Variants in PRKCQ observed in about 807,000 individuals in gnomAD.
The protein encoded by PRKCQ is protein kinase C theta type.
In PRKCQ, 41 loss-of-function variants were observed where a neutral mutation model predicts 91.2. The ratio of observed to expected loss-of-function variants is 0.45; its 90% CI spans 0.35 to 0.58. The LOEUF is 0.58. PRKCQ is among the 20% of genes least tolerant of loss of function. The probability of loss-of-function intolerance (pLI) is 0.00; values close to 1 mark genes in which losing one functional copy is unlikely to be tolerated. For synonymous variants in PRKCQ, 307 were observed against 316.9 expected, an observed-to-expected ratio of 0.97 and a Z score of 0.33; for missense variants, 673 against 896.5, an observed-to-expected ratio of 0.75 and a Z score of 3.18.
At chr10:6,431,485 C>T (rs1057397684) in intron 16 of PRKCQ, among the ~76,000 whole-genome samples, 2 of 152,170 alleles carry the variant, frequency 1.3e-5, no homozygotes, top group African/African-American at 4.8e-5. Context: ...CCTGCACACC[C>T]ACTAAAACAC....
chr10:6,424,674 T>A (rs1196675784), downstream of PRKCQ, among the ~76,000 whole-genome samples: 1 of 152,172 alleles, frequency 6.6e-6, no homozygotes. Context: ...AGTTTTATGA[T>A]GTAACAAAGG....
chr10:6,579,064 A>T (rs955570200), intron 1 of PRKCQ, among the ~76,000 whole-genome samples: 1 of 152,226 alleles, frequency 6.6e-6, no homozygotes, highest in Non-Finnish European at 1.5e-5. Context: ...AGCCTCACGA[A>T]TCCCAGTGGT....
At chr10:6,485,063 A>G (rs1836825641) in intron 10 of PRKCQ, 89 bp downstream of exon 10, 2 of 1,139,360 alleles carry the variant, frequency 1.8e-6, no homozygotes, top group Non-Finnish European at 2.6e-6. Flanking sequence ...CAGACCAGGT[A>G]AGCTGATAAC....
chr10:6,549,674 A>G, intron 1 of PRKCQ, among the ~76,000 whole-genome samples: 1 of 134,774 alleles, frequency 7.4e-6, no homozygotes, highest in Non-Finnish European at 1.5e-5. Context: ...CTGCCAGGCT[A>G]GGCTGGAGTG....
intron 1 of PRKCQ, among the ~76,000 whole-genome samples, chr10:6,527,380 G>A (rs1367249935): frequency 1.3e-5 from 2 of 152,082 alleles, no homozygotes; most frequent in African/African-American, 2.4e-5. Context: ...TGATGATGTT[G>A]GTTATGAGGA....
At chr10:6,490,457 G>C (rs1397668784) in intron 8 of PRKCQ, among the ~76,000 whole-genome samples, 2 of 151,348 alleles carry the variant, frequency 1.3e-5, no homozygotes, top group Non-Finnish European at 2.9e-5. Flanking sequence ...CAGGCATGGT[G>C]ACTCACTCCT....
chr10:6,567,094 C>G (rs1204134601), intron 1 of PRKCQ, among the ~76,000 whole-genome samples: 1 of 152,160 alleles, frequency 6.6e-6, no homozygotes, highest in African/African-American at 2.4e-5. Context: ...CTCAGGCTTA[C>G]TCAAGAGACA....
chr10:6,538,970 C>A (rs1839681856), intron 1 of PRKCQ, among the ~76,000 whole-genome samples: 1 of 152,044 alleles, frequency 6.6e-6, no homozygotes, highest in Non-Finnish European at 1.5e-5. Flanking sequence ...TACCATGTTG[C>A]CCAGGCTGGT....
the PRKCQ span, among the ~76,000 whole-genome samples, chr10:6,394,544 ACCTTCAGCGG>A: frequency 6.6e-6 from 1 of 152,214 alleles, no homozygotes; most frequent in Non-Finnish European, 1.5e-5. Context: ...CCTTTTTCTG[ACCTTCAGCGG>A]CATTTCGGAA....
chr10:6,471,057 A>C (rs1389247022), intron 12 of PRKCQ, among the ~76,000 whole-genome samples: 4 of 152,152 alleles, frequency 2.6e-5, no homozygotes, highest in African/African-American at 7.2e-5. Context: ...TGTCAAAGAT[A>C]GACTTCTCCT....
rs1833172167 is a variant in PRKCQ, at chr10:6,427,497, T to C, written c.*710A>G. 6.6e-6 allele frequency: 1 copy of C among 152,306 alleles called. No individual in the cohort carries two copies. Among genetic ancestry groups the C allele is most frequent in the South Asian group, 2.1e-4 (1 of 4,834 alleles). 9.4% of individuals were successfully genotyped at this position (152,306 alleles called of 1,614,324 possible). On this transcript the variant is annotated 3_prime_UTR_variant, in exon 18 of 18. Coordinates refer to ENST00000263125, the MANE Select transcript of PRKCQ (RefSeq NM_006257.5). ...AATGGGTGGATGGAAAGGTTTTTAC[T>C]GGCAAGGGTGAAATGATACTATCTT...
At chr10:6,395,126 T>TAA in the PRKCQ span, among the ~76,000 whole-genome samples, 5 of 145,370 alleles carry the variant, frequency 3.4e-5, no homozygotes, top group Non-Finnish European at 7.5e-5. Context: ...GCAGTGGCTG[T>TAA]GATCTCGGCT....
chr10:6,401,070 G>C, the PRKCQ span, among the ~76,000 whole-genome samples: 1 of 152,192 alleles, frequency 6.6e-6, no homozygotes, highest in African/African-American at 2.4e-5. Context: ...TCCCGTAAAC[G>C]ATTAGGAATG....
intron 7 of PRKCQ, among the ~76,000 whole-genome samples, chr10:6,496,108 C>T (rs1837569603): frequency 6.6e-6 from 1 of 150,544 alleles, no homozygotes; most frequent in Admixed American, 6.6e-5. Context: ...CCCAGCTACT[C>T]AGGAGGCTGA....
At chr10:6,407,623 C>T in the PRKCQ span, among the ~76,000 whole-genome samples, 1 of 149,274 alleles carries the variant, frequency 6.7e-6, no homozygotes, top group Non-Finnish European at 1.5e-5. This position sits in a 1 kb window ranked among gnomAD's most constrained non-coding sequence, Gnocchi z 4.0. Flanking sequence ...CTGTGGTGTT[C>T]GCATATATGA....
chr10:6,426,892 C>T (rs1056333067), downstream of PRKCQ, among the ~76,000 whole-genome samples: 22 of 152,282 alleles, frequency 1.4e-4, no homozygotes, highest in South Asian at 1.9e-3. Context: ...CCCGCCACCA[C>T]GCCTGGCTAA....
At chr10:6,403,859 T>C in the PRKCQ span, among the ~76,000 whole-genome samples, 1 of 152,196 alleles carries the variant, frequency 6.6e-6, no homozygotes, top group East Asian at 1.9e-4. Flanking sequence ...TGAGTAATCA[T>C]TAGCCTCAGC....
intron 12 of PRKCQ, among the ~76,000 whole-genome samples, chr10:6,475,830 G>A (rs947572503): frequency 2.6e-5 from 4 of 152,150 alleles, no homozygotes; most frequent in African/African-American, 4.8e-5. Flanking sequence ...AACAACTCGG[G>A]GTGTTGGAAA....
intron 14 of PRKCQ, among the ~76,000 whole-genome samples, chr10:6,460,387 G>A (rs1042942779): frequency 6.6e-6 from 1 of 152,016 alleles, no homozygotes; most frequent in Non-Finnish European, 1.5e-5. Context: ...ATGCCCCGAG[G>A]CATGTGGGTT....
Sources: gnomAD v4.1 joint callset for allele counts (sites outside exome capture counted in the v4.1 genomes callset) on GRCh38, gnomAD v4.1.1 for gene constraint, Gnocchi (gnomAD v3.1) non-coding constraint, MANE v1.5 for transcripts, NCBI Gene and HGNC (gene_info 2026-07-23, HGNC 2026-07-21) for gene names.